Variants in MAST4 observed in about 807,000 individuals in gnomAD.
The protein encoded by MAST4 is microtubule associated serine/threonine kinase family member 4.
Under a neutral mutation model 162.7 loss-of-function variants are expected in MAST4, and 89 were observed. The observed-to-expected ratio is 0.55, with a 90% CI of 0.46 to 0.65. MAST4 has a LOEUF of 0.65. Among genes scored for constraint, MAST4 ranks in the 30% least tolerant of loss-of-function variants. The pLI, the probability that MAST4 is intolerant of heterozygous loss-of-function variation, is 0.00. For synonymous variants in MAST4, 1,479 were observed against 1,361.1 expected, an observed-to-expected ratio of 1.09 and a Z score of -1.91; for missense variants, 3,153 against 3,374.0, an observed-to-expected ratio of 0.93 and a Z score of 1.62.
intron 4 of MAST4, among the ~76,000 whole-genome samples, chr5:67,038,248 T>TC (rs1739417398): frequency 1.3e-5 from 2 of 151,776 alleles, no homozygotes; most frequent in Admixed American, 1.3e-4. Context: ...TCTCTTTTTT[T>TC]TTTTTTTTAA....
At chr5:67,029,126 A>ACT (rs1305426922) in intron 4 of MAST4, among the ~76,000 whole-genome samples, 1 of 143,846 alleles carries the variant, frequency 7.0e-6, no homozygotes, top group Non-Finnish European at 1.5e-5. Flanking sequence ...AGCACGAGAC[A>ACT]CTCTCTCAAA....
At chr5:67,026,088 T>C (rs1484412538) in intron 4 of MAST4, among the ~76,000 whole-genome samples, 3 of 152,218 alleles carry the variant, frequency 2.0e-5, no homozygotes, top group African/African-American at 7.2e-5. Context: ...ACACTTCTCA[T>C]CTGTTAGTCT....
At chr5:66,704,882 T>G (rs1172360864) in intron 1 of MAST4, among the ~76,000 whole-genome samples, 3 of 152,194 alleles carry the variant, frequency 2.0e-5, no homozygotes, top group Non-Finnish European at 4.4e-5. Context: ...GTAAGAATCT[T>G]GAGCTTGCTT....
chr5:67,134,726 G>C (rs777637904), intron 18 of MAST4, 38 bp downstream of exon 18: 2 of 1,531,412 alleles, frequency 1.3e-6, no homozygotes, highest in Admixed American at 3.6e-5. Flanking sequence ...GTCACTGTTG[G>C]GAAGCAGCTA....
At chr5:66,649,161 C>T (rs1392736678) in intron 1 of MAST4, among the ~76,000 whole-genome samples, 1 of 152,126 alleles carries the variant, frequency 6.6e-6, no homozygotes, top group Non-Finnish European at 1.5e-5. Context: ...GTGAATCAAT[C>T]AACTTGGTTG....
At chr5:67,090,034 T>A in intron 5 of MAST4, 128 bp from the exon 6 acceptor site, 355 of 573,812 alleles carry the variant, frequency 6.2e-4, no homozygotes, top group East Asian at 1.4e-3. Flanking sequence ...CAGGTAAAAC[T>A]AAAGCATTAT....
intron 3 of MAST4, among the ~76,000 whole-genome samples, chr5:66,872,377 C>G (rs1356341172): frequency 6.6e-6 from 1 of 152,098 alleles, no homozygotes; most frequent in Non-Finnish European, 1.5e-5. Context: ...ACCATGTTGG[C>G]CAGGCTGGTC....
intron 3 of MAST4, among the ~76,000 whole-genome samples, chr5:66,817,191 G>T (rs1756770615): frequency 6.6e-6 from 1 of 152,132 alleles, no homozygotes; most frequent in Non-Finnish European, 1.5e-5. Context: ...CCATCATAAT[G>T]CCTGATTCAT....
At chr5:66,850,697 G>A (rs944729926) in intron 3 of MAST4, among the ~76,000 whole-genome samples, 1 of 152,056 alleles carries the variant, frequency 6.6e-6, no homozygotes, top group African/African-American at 2.4e-5. Context: ...TTTCCCCAAG[G>A]TGTCTCATTA....
intron 4 of MAST4, among the ~76,000 whole-genome samples, chr5:66,966,049 T>G (rs986334688): frequency 1.3e-5 from 2 of 152,204 alleles, no homozygotes; most frequent in African/African-American, 2.4e-5. Context: ...TTTATGTACA[T>G]GGTTTCATTC....
rs1222132806 is a variant in MAST4, at chr5:67,166,643, C to A, written c.7464C>A (p.Ala2488=). The change falls in exon 29 of 29, where the codon GCC becomes GCA. Residue 2488 remains alanine, a synonymous_variant. Transcript: ENST00000403625. ...GCGACACCTCTTCTGCCAAGGCCGC[C>A]GGGGGCATGCTGGAGCTTCCAGCCC... ...ASSDTSSAKA[A]GGMLELPAPS... is the part of the protein sequence containing the mutation. 6.2e-7 allele frequency: 1 copy of A among 1,600,070 alleles called. No individual in the cohort carries two copies. Among genetic ancestry groups the A allele is most frequent in the South Asian group, 1.1e-5 (1 of 88,616 alleles).
intron 2 of MAST4, among the ~76,000 whole-genome samples, chr5:66,786,772 A>T (rs937337143): frequency 1.3e-5 from 2 of 152,224 alleles, no homozygotes; most frequent in Non-Finnish European, 2.9e-5. Flanking sequence ...AATGCAACAT[A>T]CCTTGCCCAA....
chr5:67,123,566 C>T (rs1042948757), intron 14 of MAST4, among the ~76,000 whole-genome samples: 3 of 152,072 alleles, frequency 2.0e-5, no homozygotes, highest in Non-Finnish European at 4.4e-5. Flanking sequence ...GACAGAGTCA[C>T]GGATACCCTG....
At chr5:67,008,766 G>T (rs946581829) in intron 4 of MAST4, among the ~76,000 whole-genome samples, 70 of 152,280 alleles carry the variant, frequency 4.6e-4, no homozygotes, top group African/African-American at 1.5e-3. Context: ...TTTGGTAGTT[G>T]TTTTTTGCAG....
At chr5:66,795,554 T>C (rs979727925) in intron 3 of MAST4, among the ~76,000 whole-genome samples, 1 of 152,248 alleles carries the variant, frequency 6.6e-6, no homozygotes, top group Non-Finnish European at 1.5e-5. Flanking sequence ...CAGTCAATAG[T>C]GTTATCTTTA....
chr5:66,780,837 C>A (rs926486636), intron 2 of MAST4, among the ~76,000 whole-genome samples: 1 of 152,034 alleles, frequency 6.6e-6, no homozygotes, highest in African/African-American at 2.4e-5. Context: ...TGCGGATTGG[C>A]GCATTTACAA....
intron 4 of MAST4, among the ~76,000 whole-genome samples, chr5:67,039,241 C>T (rs918790686): frequency 2.6e-5 from 4 of 152,164 alleles, no homozygotes; most frequent in Admixed American, 2.0e-4. Flanking sequence ...GTTGAGGCAT[C>T]CTAATTCTGG....
At chr5:67,048,983 A>ATG (rs1268365492) in intron 4 of MAST4, among the ~76,000 whole-genome samples, 35 of 117,236 alleles carry the variant, frequency 3.0e-4, no homozygotes, top group South Asian at 5.2e-4. Context: ...ATATATATAT[A>ATG]TATGTATATA....
intron 4 of MAST4, among the ~76,000 whole-genome samples, chr5:66,989,684 A>G (rs1749869540): frequency 1.3e-5 from 2 of 152,240 alleles, no homozygotes; most frequent in South Asian, 4.1e-4. Context: ...AATTTTCAAT[A>G]AACAACACAG....
Sources: allele counts gnomAD v4.1 joint callset (sites outside exome capture counted in the v4.1 genomes callset), GRCh38; gene constraint gnomAD v4.1.1; transcripts MANE v1.5; gene names NCBI Gene and HGNC (gene_info 2026-07-23, HGNC 2026-07-21).